Variants in KRT35 observed in about 807,000 individuals in gnomAD.
KRT35 encodes the protein keratin 35, also known as keratin, type I cuticular Ha5.
Under a neutral mutation model 42.2 loss-of-function variants are expected in KRT35, and 33 were observed. That is an observed-to-expected ratio of 0.78 (90% CI 0.59 to 1.05). The LOEUF is 1.05. Among genes scored for constraint, KRT35 ranks in the 50% least tolerant of loss-of-function variants. The pLI is 0.00. For synonymous variants in KRT35, 218 were observed against 238.2 expected, an observed-to-expected ratio of 0.92 and a Z score of 0.78; for missense variants, 585 against 589.2, an observed-to-expected ratio of 0.99 and a Z score of 0.07.
In KRT35 at chr17:41,481,050, C is replaced by A. The variant is rs760600823; in HGVS notation, c.48G>T (p.Lys16Asn). 6.2e-7 allele frequency: 1 copy of A among 1,613,704 alleles called. No individual in the cohort carries two copies. Among genetic ancestry groups the A allele is most frequent in the South Asian group, 1.1e-5 (1 of 91,056 alleles). ...LKAGFSSGSL[K>N]SPGGASGGST... ...AGCCCCCACTGGCCCCTCCTGGGCTCTTGAGAGACCCAGAAGAGAAGCCGG... is the reference window on the plus strand; with the variant it reads ...AGCCCCCACTGGCCCCTCCTGGGCTATTGAGAGACCCAGAAGAGAAGCCGG... The change falls in exon 1 of 7, where the codon AAG (lysine) becomes AAT (asparagine). Residue 16 changes from lysine to asparagine, a missense_variant. By Grantham distance (94) the Lys-to-Asn change is moderately conservative. Transcript: ENST00000246639.
In KRT35 at chr17:41,478,582, T is replaced by C; in HGVS notation, c.874-96A>G. 5 of 1,425,148 alleles carry C rather than the reference T, an allele frequency of 3.5e-6. No individual in the cohort carries two copies. In the South Asian group the frequency reaches 3.9e-5, roughly 11 times the overall value. The allele number at this position is 1,425,148 out of a possible 1,614,324, so 88.3% of individuals were successfully genotyped here. A position where few individuals can be genotyped will look rare whatever the true frequency, so the allele number is the denominator to read the frequency against. On this transcript the variant is annotated intron_variant, in intron 4 of 6. Transcript: ENST00000246639. ...TTAGAATCATGAGCCAAGAAAGACA[T>C]TCCCGATTCCCCAGTCCCACTCATT...
In KRT35 at chr17:41,476,909, G is replaced by T; in HGVS notation, c.*147C>A. ...GTGACAGGCTCTGAGAAACTTTAGG[G>T]CATGTATTTGCAGAAAGCCTTTTCA... On this transcript the variant is annotated 3_prime_UTR_variant, in exon 7 of 7. Coordinates refer to ENST00000246639, the MANE Select transcript of KRT35 (RefSeq NM_002280.6). 1 of 750,032 alleles carries T rather than the reference G, an allele frequency of 1.3e-6. No individual in the cohort carries two copies. Among genetic ancestry groups the T allele is most frequent in the Non-Finnish European group, 2.1e-6 (1 of 477,778 alleles). 46.5% of individuals were successfully genotyped at this position (750,032 alleles called of 1,614,324 possible).
rs2019187470 is a variant in KRT35, at chr17:41,477,382, G to A, written c.1220+136C>T. On this transcript the variant is annotated intron_variant, in intron 6 of 6. Coordinates refer to ENST00000246639, the MANE Select transcript of KRT35 (RefSeq NM_002280.6). Reference sequence around the variant, plus strand: ...AGGGGGCTTGCTGGAGTCACGTGATGAGTTTTCAGGAAGACCAGAACTAAG... The same window carrying A: ...AGGGGGCTTGCTGGAGTCACGTGATAAGTTTTCAGGAAGACCAGAACTAAG... 5 of 1,355,174 alleles carry A rather than the reference G, an allele frequency of 3.7e-6. No individual in the cohort carries two copies. The East Asian group carries it at 1.2e-4, about 33-fold the overall frequency. 83.9% of individuals were successfully genotyped at this position (1,355,174 alleles called of 1,614,324 possible).
intron 5 of KRT35, among the ~76,000 whole-genome samples, chr17:41,478,021 G>GCTA (rs2019202730): frequency 6.6e-6 from 1 of 152,260 alleles, no homozygotes; most frequent in African/African-American, 2.4e-5. Flanking sequence ...TCTCACTTGA[G>GCTA]ATGAGCTAAT....
At chr17:41,477,368 T>C (rs995664891) in intron 6 of KRT35, 150 bp downstream of exon 6, 1 of 1,312,370 alleles carries the variant, frequency 7.6e-7, no homozygotes, top group Non-Finnish European at 1.0e-6. Context: ...GGGGGCTTGC[T>C]GGAGTCACGT....
Position 41,478,345 on chromosome 17 carries a change from C to G in KRT35, c.999+16G>C. The stretch of plus-strand genomic sequence containing the variant: ...GGCTTGGTCCAGAGGCAGCTCCACC[C>G]TGCCTTGGGGCTCACCATGCTGTGC... On this transcript the variant is annotated intron_variant, in intron 5 of 6. Transcript: ENST00000246639. The G allele has an allele frequency of 6.2e-7, 1 of 1,611,074 alleles. No individual in the cohort carries two copies. The highest frequency in any genetic ancestry group is 8.5e-7 in the Non-Finnish European group (1 of 1,178,922).
At position 41,478,460 on chromosome 17, in the gene KRT35, C is replaced by T; in HGVS notation, c.900G>A (p.Val300=). ...AGGACTGCAACTGCTCTGAGCTGGA[C>T]ACCACCTGCTGGTTCAGCTCCTCAC... ...TQSEELNQQV[V]SSSEQLQSCQ... The change falls in exon 5 of 7, where the codon GTG becomes GTA. Residue 300 remains valine, a synonymous_variant. Coordinates refer to ENST00000246639, the MANE Select transcript of KRT35 (RefSeq NM_002280.6). The T allele has an allele frequency of 1.2e-6, 2 of 1,614,080 alleles. No homozygotes were observed. Among genetic ancestry groups the T allele is most frequent in the Non-Finnish European group, 1.7e-6 (2 of 1,179,970 alleles).
Position 41,480,676 on chromosome 17 carries a change from C to A in KRT35, c.422G>T (p.Cys141Phe). The change falls in exon 1 of 7, where the codon TGC becomes TTC. Residue 141 changes from cysteine (C) to phenylalanine (F), a missense_variant. Transcript: ENST00000246639. ...EWCEQQVPYM[C>F]PDYQSYFRTI... ...CCGGAAGTAGGACTGGTAGTCAGGG[C>A]ACATGTAGGGGACCTGCTGCTCACA... is the stretch of plus-strand genomic sequence containing the variant. 2 of 1,614,178 alleles carry A rather than the reference C, an allele frequency of 1.2e-6. No individual in the cohort carries two copies. Among genetic ancestry groups the A allele is most frequent in the Non-Finnish European group, 1.7e-6 (2 of 1,180,022 alleles).
intron 3 of KRT35, 105 bp from the exon 4 acceptor site, chr17:41,479,100 A>T: frequency 1.7e-6 from 2 of 1,170,460 alleles, no homozygotes. Context: ...CCTAATGCTC[A>T]CCTCCTCCCC....
rs984400628 is a variant in KRT35 at position 41,480,871 on chromosome 17, C to G, written c.227G>C (p.Gly76Ala). Residue 76 changes from glycine to alanine, a missense_variant, in exon 1 of 7, where the codon GGC becomes GCC. By Grantham distance (60) the Gly-to-Ala change is moderately conservative. Transcript: ENST00000246639. Reference protein sequence around the residue: ...CLPALCLPAGGFATSYSGGGG... With the variant: ...CLPALCLPAGAFATSYSGGGG... ...ACCCCCACTGTAGCTGGTAGCGAAG[C>G]CTCCAGCAGGGAGGCAGAGAGCAGG... 12 of 1,614,204 alleles carry G rather than the reference C, an allele frequency of 7.4e-6. No homozygotes were observed. In the South Asian group the frequency reaches 1.1e-4, roughly 15 times the overall value.
intron 3 of KRT35, 140 bp downstream of exon 3, chr17:41,479,207 C>T: frequency 9.2e-7 from 1 of 1,085,956 alleles, no homozygotes; most frequent in Non-Finnish European, 1.3e-6. Context: ...TGCTCACCTC[C>T]TCTTCCCTAT....
At position 41,479,500 on chromosome 17, in the gene KRT35, A is replaced by G. The variant is rs745625422; in HGVS notation, c.558T>C (p.Tyr186=). ...KLAADDFRTK[Y]ETEVSLRQLV... is the part of the protein sequence containing the mutation. The stretch of plus-strand genomic sequence containing the variant: ...GCTGCCGCAGGGACACCTCCGTCTC[A>G]TACCTGCAGGCATAGAACAGGGCAC... The change falls in exon 3 of 7, where the codon TAT becomes TAC. Residue 186 remains tyrosine, a synonymous_variant. Transcript: ENST00000246639. 3.1e-6 allele frequency: 5 copies of G among 1,613,688 alleles called. No homozygotes were observed. The highest frequency in any genetic ancestry group is 4.2e-6 in the Non-Finnish European group (5 of 1,179,728).
intron 5 of KRT35, among the ~76,000 whole-genome samples, chr17:41,477,944 G>T (rs886894930): frequency 1.3e-5 from 2 of 152,204 alleles, no homozygotes; most frequent in Admixed American, 1.3e-4. Context: ...TCTCAGTGAG[G>T]CCTCAGAATC....
chr17:41,477,961 C>CA (rs1450179015), intron 5 of KRT35, among the ~76,000 whole-genome samples: 2 of 152,230 alleles, frequency 1.3e-5, no homozygotes, highest in Admixed American at 1.3e-4. Context: ...AATCCAAGAA[C>CA]AGAAGCTCGG....
rs1029881335 is a variant in KRT35, at chr17:41,478,455, C to T, written c.905G>A (p.Ser302Asn). The stretch of plus-strand genomic sequence containing the variant: ...CTGGCAGGACTGCAACTGCTCTGAG[C>T]TGGACACCACCTGCTGGTTCAGCTC... ...SEELNQQVVSSSEQLQSCQAE... is the reference protein window; with the variant it reads ...SEELNQQVVSNSEQLQSCQAE... Residue 302 changes from serine to asparagine, a missense_variant, in exon 5 of 7, where the codon AGC (serine) becomes AAC (asparagine). Ser to Asn is a conservative substitution (Grantham distance 46). Coordinates refer to ENST00000246639, the MANE Select transcript of KRT35 (RefSeq NM_002280.6). 2 of 1,614,118 alleles carry T rather than the reference C, an allele frequency of 1.2e-6. No individual in the cohort carries two copies. Among genetic ancestry groups the T allele is most frequent in the South Asian group, 1.1e-5 (1 of 91,076 alleles).
chr17:41,477,627 C>T lies in KRT35; in HGVS notation c.1111G>A (p.Ala371Thr), dbSNP rs372395902. The T allele has an allele frequency of 1.5e-5, 25 of 1,614,160 alleles. No individual in the cohort carries two copies. Among genetic ancestry groups the T allele is most frequent in the Non-Finnish European group, 2.1e-5 (25 of 1,180,062 alleles). ...NVEAQLAEIR[A>T]DLERQNQEYQ... ...TCCTGGTTCTGCCGCTCCAGGTCAG[C>T]CCGGATCTCGGCCAGCTGGGCCTCC... Residue 371 changes from alanine to threonine, a missense_variant, in exon 6 of 7, where the codon GCT becomes ACT. Ala to Thr is a moderately conservative substitution (Grantham distance 58). Coordinates refer to ENST00000246639, the MANE Select transcript of KRT35 (RefSeq NM_002280.6).
Position 41,478,992 on chromosome 17 carries a change from C to T in KRT35, c.715G>A (p.Val239Met). 6.2e-7 allele frequency: 1 copy of T among 1,612,230 alleles called. No individual in the cohort carries two copies. The change falls in exon 4 of 7, where the codon GTG becomes ATG. Residue 239 changes from valine (V) to methionine (M), a missense_variant. By Grantham distance (21) the Val-to-Met change is conservative. Transcript: ENST00000246639. ...CCAAGTTGGCAGCGCAGTGAGTTCA[C>T]TTCCTATAGCACAGACCAGGATGAG... ...LCLKKNHEEE[V>M]NSLRCQLGDR...
chr17:41,478,788 G>A (rs762234128), intron 4 of KRT35, 46 bp downstream of exon 4: 32 of 1,556,678 alleles, frequency 2.1e-5, no homozygotes, highest in South Asian at 2.4e-5. Flanking sequence ...ACTTCCATGT[G>A]AGCCACCACA....
At chr17:41,477,278 G>A (rs2144469201) in intron 6 of KRT35, 75 bp from the exon 7 acceptor site, 2 of 1,541,496 alleles carry the variant, frequency 1.3e-6, no homozygotes, top group Admixed American at 1.8e-5. Flanking sequence ...CCTAGACTAT[G>A]CAAACTGGGA....
Sources: allele counts gnomAD v4.1 joint callset (sites outside exome capture counted in the v4.1 genomes callset), GRCh38; gene constraint gnomAD v4.1.1; transcripts MANE v1.5; gene names NCBI Gene and HGNC (gene_info 2026-07-23, HGNC 2026-07-21).